GSN: variants seen among roughly 807,000 people sequenced by gnomAD.
GSN encodes gelsolin, also known as actin-depolymerizing factor.
Under a neutral mutation model 85.7 loss-of-function variants are expected in GSN, and 56 were observed. The ratio of observed to expected loss-of-function variants is 0.65; its 90% CI spans 0.53 to 0.82. The LOEUF (loss-of-function observed/expected upper bound fraction) is 0.82, where lower values mean the gene tolerates loss of function less well. Among genes scored for constraint, GSN ranks in the 40% least tolerant of loss-of-function variants. The pLI, the probability that GSN is intolerant of heterozygous loss-of-function variation, is 0.00. For synonymous variants in GSN, 373 were observed against 399.1 expected, an observed-to-expected ratio of 0.93 and a Z score of 0.78; for missense variants, 857 against 979.8, an observed-to-expected ratio of 0.87 and a Z score of 1.67.
At chr9:121,234,124 T>TTTCTCCTGTAC (rs1254627268) in intron 5 of GSN, among the ~76,000 whole-genome samples, 11 of 151,494 alleles carry the variant, frequency 7.3e-5, no homozygotes, top group Admixed American at 4.6e-4. Flanking sequence ...CAAAGGGTGC[T>TTTCTCCTGTAC]TTCTCCTGTA....
chr9:121,246,281 G>T (rs2054698158), intron 5 of GSN, among the ~76,000 whole-genome samples: 1 of 152,026 alleles, frequency 6.6e-6, no homozygotes, highest in South Asian at 2.1e-4. Context: ...TTTTAAAAAG[G>T]AGATGTGAAG....
chr9:121,299,407 TC>T lies in GSN; in HGVS notation c.-9-2550del, dbSNP rs944142532. 2.4e-5 allele frequency: 23 copies of T among 978,072 alleles called. No homozygotes were observed. In the African/African-American group the frequency reaches 3.3e-4, roughly 14 times the overall value. The allele number at this position is 978,072 out of a possible 1,614,324, so 60.6% of individuals were successfully genotyped here. On this transcript the variant is annotated intron_variant, in intron 2 of 17. Transcript: ENST00000432226. The surrounding 1 kb of genome is among the most constrained non-coding windows in gnomAD (Gnocchi z 4.2). ...AAGTTGCTTCACCACTCTGCGCTGT[TC>T]CCCCCTCTGTAAAATGGGTTGGCCG...
chr9:121,299,052 G>A lies in GSN; in HGVS notation c.-9-2911G>A, dbSNP rs2133108360. 6.6e-6 allele frequency among the ~76,000 whole-genome samples: 1 copy of A among 152,344 alleles called. No homozygotes were observed. Among genetic ancestry groups the A allele is most frequent in the East Asian group, 1.9e-4 (1 of 5,192 alleles). ...CATGACGGTAAACCCTGAACCATCA[G>A]CTAAAAGAGGTAGATAGCAGTGGTT... On this transcript the variant is annotated intron_variant, in intron 2 of 17. Coordinates refer to ENST00000432226, the MANE Select transcript of GSN (RefSeq NM_198252.3). The surrounding 1 kb of genome is among the most constrained non-coding windows in gnomAD (Gnocchi z 4.2).
chr9:121,232,120 G>A (rs2054401476), intron 5 of GSN, among the ~76,000 whole-genome samples: 3 of 152,268 alleles, frequency 2.0e-5, no homozygotes, highest in South Asian at 2.1e-4. Flanking sequence ...TAATATGGGA[G>A]GAAGTGATGG....
At chr9:121,323,371 G>A (rs1002803114) in intron 11 of GSN, among the ~76,000 whole-genome samples, 6 of 117,750 alleles carry the variant, frequency 5.1e-5, no homozygotes, top group Non-Finnish European at 6.7e-5. Context: ...TCCCATTACC[G>A]TTTTTTTTTT....
intron 5 of GSN, among the ~76,000 whole-genome samples, chr9:121,233,872 A>G (rs2054440668): frequency 6.6e-6 from 1 of 152,252 alleles, no homozygotes; most frequent in South Asian, 2.1e-4. Flanking sequence ...TCCTGAAGCA[A>G]TTGTTTCGAT....
intron 5 of GSN, among the ~76,000 whole-genome samples, chr9:121,241,584 T>C (rs1283503204): frequency 1.3e-5 from 2 of 152,252 alleles, no homozygotes; most frequent in African/African-American, 4.8e-5. Flanking sequence ...GCTGTAGCAA[T>C]GATCATGTGA....
At chr9:121,237,923 A>T (rs531025901) in intron 5 of GSN, among the ~76,000 whole-genome samples, 20 of 152,226 alleles carry the variant, frequency 1.3e-4, no homozygotes, top group Admixed American at 2.0e-4. Context: ...TTTTCTGAAT[A>T]GGGAATAGTT....
chr9:121,298,580 A>C (rs1027163166), intron 2 of GSN, among the ~76,000 whole-genome samples: 1 of 152,136 alleles, frequency 6.6e-6, no homozygotes, highest in Admixed American at 6.5e-5. Flanking sequence ...GGCTATTTTC[A>C]TACCCACAGA....
chr9:121,331,749 C>G, intron 17 of GSN: 2 of 316,976 alleles, frequency 6.3e-6, no homozygotes, highest in South Asian at 1.1e-4. Flanking sequence ...CTGAACTTGT[C>G]AAGGTTTAGA....
intron 6 of GSN, among the ~76,000 whole-genome samples, chr9:121,262,263 GCTTT>G (rs1020893732): frequency 6.6e-6 from 1 of 152,150 alleles, no homozygotes; most frequent in Non-Finnish European, 1.5e-5. Flanking sequence ...AAGAATCTGG[GCTTT>G]GGAGACAGAC....
chr9:121,327,337 C>A lies in GSN; in HGVS notation c.1617C>A (p.Ser539=). The change falls in exon 14 of 18, where the codon TCC becomes TCA. Residue 539 remains serine (S), a synonymous_variant. Coordinates refer to ENST00000432226, the MANE Select transcript of GSN (RefSeq NM_198252.3). ...EVLPKAGALN[S]NDAFVLKTPS... is the part of the protein sequence containing the mutation. ...TGCCTAAGGCTGGTGCACTGAACTCCAACGATGCCTTTGTTCTGAAAACCC... is the reference window on the plus strand; with the variant it reads ...TGCCTAAGGCTGGTGCACTGAACTCAAACGATGCCTTTGTTCTGAAAACCC... The A allele has an allele frequency of 6.2e-7, 1 of 1,614,072 alleles. No individual in the cohort carries two copies. Among genetic ancestry groups the A allele is most frequent in the South Asian group, 1.1e-5 (1 of 91,078 alleles).
At chr9:121,235,824 A>G (rs1039022063) in intron 5 of GSN, among the ~76,000 whole-genome samples, 1 of 152,210 alleles carries the variant, frequency 6.6e-6, no homozygotes. Context: ...GTCTAGGGGG[A>G]CAGCCATGTG....
chr9:121,228,045 G>GGACA (rs1454956502), intron 4 of GSN, among the ~76,000 whole-genome samples: 2 of 152,096 alleles, frequency 1.3e-5, no homozygotes, highest in African/African-American at 4.8e-5. Flanking sequence ...ACCAGGAAGT[G>GGACA]GACACCCAGC....
chr9:121,312,770 G>A (rs1406859590), intron 6 of GSN: 1 of 238,942 alleles, frequency 4.2e-6, no homozygotes, highest in African/African-American at 2.3e-5. Context: ...TGGGACCACA[G>A]GCGAGTGCTA....
chr9:121,282,488 T>C, intron 2 of GSN: 3 of 1,258,396 alleles, frequency 2.4e-6, no homozygotes, highest in Non-Finnish European at 3.0e-6. Flanking sequence ...GTGGCCCAGC[T>C]GGCTTCCAGA....
rs960618414 is a variant in GSN, at chr9:121,318,258, G to A, written c.887-148G>A. On this transcript the variant is annotated intron_variant, in intron 8 of 17. Coordinates refer to ENST00000432226, the MANE Select transcript of GSN (RefSeq NM_198252.3). The surrounding 1 kb of genome is among the most constrained non-coding windows in gnomAD (Gnocchi z 4.3). ...CACCAGGAGCTCTAGTGAGTGGTCGGCTCTGGGGGTCTCTGGCCTTGGCTG... is the reference window on the plus strand; with the variant it reads ...CACCAGGAGCTCTAGTGAGTGGTCGACTCTGGGGGTCTCTGGCCTTGGCTG... 5 of 733,550 alleles carry A rather than the reference G, an allele frequency of 6.8e-6. No individual in the cohort carries two copies. Among genetic ancestry groups the A allele is most frequent in the South Asian group, 5.8e-5 (4 of 68,752 alleles). 45.4% of individuals were successfully genotyped at this position (733,550 alleles called of 1,614,324 possible).
Position 121,299,580 on chromosome 9 carries a change from G to A in GSN, c.-9-2383G>A. The A allele has an allele frequency of 1.6e-6, 1 of 609,490 alleles. No homozygotes were observed. The highest frequency in any genetic ancestry group is 2.1e-6 in the Non-Finnish European group (1 of 486,374). The allele number at this position is 609,490 out of a possible 1,614,324, so 37.8% of individuals were successfully genotyped here. On this transcript the variant is annotated intron_variant, in intron 2 of 17. Coordinates refer to ENST00000432226, the MANE Select transcript of GSN (RefSeq NM_198252.3). The surrounding 1 kb of genome is among the most constrained non-coding windows in gnomAD (Gnocchi z 4.2). ...CGCAGGAGGCTCAGCTGGGCTCGCC[G>A]CCGCTCGTGCCTGCGCCCATTTAGT...
At chr9:121,258,964 G>A (rs1267635452) in intron 6 of GSN, among the ~76,000 whole-genome samples, 1 of 152,076 alleles carries the variant, frequency 6.6e-6, no homozygotes, top group Non-Finnish European at 1.5e-5. Flanking sequence ...TCTGTGTTGG[G>A]CACTGGGAGC....
Sources: gnomAD v4.1 joint callset for allele counts (sites outside exome capture counted in the v4.1 genomes callset) on GRCh38, gnomAD v4.1.1 for gene constraint, Gnocchi (gnomAD v3.1) non-coding constraint, MANE v1.5 for transcripts, NCBI Gene and HGNC (gene_info 2026-07-23, HGNC 2026-07-21) for gene names.